GALNTL6: variants seen among roughly 807,000 people sequenced by gnomAD.
The protein encoded by GALNTL6 is polypeptide N-acetylgalactosaminyltransferase like 6.
A neutral mutation model predicts 73.7 loss-of-function variants in GALNTL6; 46 were observed. That is an observed-to-expected ratio of 0.62 (90% confidence interval 0.49 to 0.80). GALNTL6 has a LOEUF of 0.80. GALNTL6 is among the 30% of genes least tolerant of loss of function. The pLI is 0.00. For missense variants in GALNTL6, 604 were observed against 755.0 expected (o/e 0.80, Z 2.34); for synonymous variants, 259 against 263.7 (o/e 0.98, Z 0.17).
At chr4:172,087,735 A>G (rs555940200) in intron 2 of GALNTL6, among the ~76,000 whole-genome samples, 133 of 151,404 alleles carry the variant, frequency 8.8e-4, no homozygotes, top group African/African-American at 2.9e-3. Context: ...CCCTCAAAAC[A>G]TAAACAGTGA....
rs1375707658 is a variant in GALNTL6, at chr4:172,069,188, C to T, written c.139-160468C>T. 1.8e-5 allele frequency among the ~76,000 whole-genome samples: 2 copies of T among 108,310 alleles called. 1 individual carries two copies. Among genetic ancestry groups the T allele is most frequent in the Non-Finnish European group, 4.1e-5 (2 of 49,086 alleles). 71.1% of individuals were successfully genotyped at this position (108,310 alleles called of 152,430 possible). ...TAGATAAACTTTTATCCTGAATATGCAATTTTTTCCTATGTATTGATAACC... is the reference window on the plus strand; with the variant it reads ...TAGATAAACTTTTATCCTGAATATGTAATTTTTTCCTATGTATTGATAACC... On this transcript the variant is annotated intron_variant, in intron 2 of 12. Transcript: ENST00000506823.
chr4:172,385,290 C>T (rs550494040), intron 5 of GALNTL6, among the ~76,000 whole-genome samples: 5 of 151,944 alleles, frequency 3.3e-5, no homozygotes, highest in East Asian at 1.9e-4. Flanking sequence ...TATGGTTATA[C>T]GTGGTTTCTA....
intron 2 of GALNTL6, among the ~76,000 whole-genome samples, chr4:172,113,395 A>T (rs1732907421): frequency 6.6e-6 from 1 of 152,080 alleles, no homozygotes; most frequent in Non-Finnish European, 1.5e-5. Context: ...GTAAAAACAT[A>T]TGTACTATGA....
rs2110911065 is a variant in GALNTL6, at chr4:172,785,368, T to C, written c.554-23993T>C. Among the ~76,000 whole-genome samples, 5 of 152,258 alleles carry C rather than the reference T, an allele frequency of 3.3e-5. No individual in the cohort carries two copies. In the South Asian group the frequency reaches 1.0e-3, roughly 32 times the overall value. On this transcript the variant is annotated intron_variant, in intron 5 of 12. Transcript: ENST00000506823. ...ATTATCTTATTTAAACTAGATTTAT[T>C]CAGCCTAAATAAGAGAAGGTCAAAA...
At chr4:171,936,155 G>C (rs1465565417) in intron 2 of GALNTL6, among the ~76,000 whole-genome samples, 1 of 152,086 alleles carries the variant, frequency 6.6e-6, no homozygotes, top group African/African-American at 2.4e-5. Context: ...TACTAATGTG[G>C]CTCATGGTGT....
At chr4:172,963,521 A>G (rs576108431) in intron 10 of GALNTL6, among the ~76,000 whole-genome samples, 1 of 152,348 alleles carries the variant, frequency 6.6e-6, no homozygotes, top group African/African-American at 2.4e-5. Flanking sequence ...TTTCGCAGAA[A>G]GACATAGTGT....
intron 5 of GALNTL6, among the ~76,000 whole-genome samples, chr4:172,551,537 T>C (rs2110900254): frequency 6.6e-6 from 1 of 152,278 alleles, no homozygotes; most frequent in African/African-American, 2.4e-5. Context: ...ATGCTAACAA[T>C]GTAAATACGA....
chr4:172,542,554 C>G (rs896514259), intron 5 of GALNTL6, among the ~76,000 whole-genome samples: 1 of 152,146 alleles, frequency 6.6e-6, no homozygotes, highest in African/African-American at 2.4e-5. Flanking sequence ...ATCTGATGAT[C>G]GCTTGACATT....
At chr4:172,291,502 C>G (rs993667669) in intron 3 of GALNTL6, among the ~76,000 whole-genome samples, 1 of 152,050 alleles carries the variant, frequency 6.6e-6, no homozygotes, top group Non-Finnish European at 1.5e-5. Flanking sequence ...AAAATCATAT[C>G]TGAATGCACC....
At chr4:172,295,531 G>GTTTTTT (rs58721038) in intron 3 of GALNTL6, among the ~76,000 whole-genome samples, 4 of 73,136 alleles carry the variant, frequency 5.5e-5, no homozygotes, top group South Asian at 5.4e-4. Flanking sequence ...CTTTTTTTAG[G>GTTTTTT]TTTTTTTTTT....
At chr4:172,927,567 T>C (rs1005754302) in intron 8 of GALNTL6, among the ~76,000 whole-genome samples, 1 of 151,954 alleles carries the variant, frequency 6.6e-6, no homozygotes, top group African/African-American at 2.4e-5. Flanking sequence ...TTGTTTCTGC[T>C]CTGTGATATA....
intron 2 of GALNTL6, among the ~76,000 whole-genome samples, chr4:172,029,658 A>C (rs1407101723): frequency 2.6e-5 from 4 of 152,128 alleles, no homozygotes; most frequent in African/African-American, 9.6e-5. Context: ...CTGTAATAGA[A>C]ATATCATGCT....
At chr4:172,377,787 C>T (rs1025075254) in intron 5 of GALNTL6, among the ~76,000 whole-genome samples, 3 of 152,168 alleles carry the variant, frequency 2.0e-5, no homozygotes, top group Non-Finnish European at 4.4e-5. Flanking sequence ...AGGTGCTAAG[C>T]CCCTCACTGC....
chr4:172,433,736 T>C lies in GALNTL6; in HGVS notation c.553+85047T>C, dbSNP rs1731544063. Reference sequence around the variant, plus strand: ...CTCCATAAGCTGATACATCCTTCCATTGGGTTATTTACTCCCAAACCCAGC... The same window carrying C: ...CTCCATAAGCTGATACATCCTTCCACTGGGTTATTTACTCCCAAACCCAGC... On this transcript the variant is annotated intron_variant, in intron 5 of 12. Coordinates refer to ENST00000506823, the MANE Select transcript of GALNTL6 (RefSeq NM_001034845.3). 2.0e-5 allele frequency among the ~76,000 whole-genome samples: 3 copies of C among 152,204 alleles called. No homozygotes were observed. In the South Asian group the frequency reaches 6.2e-4, roughly 32 times the overall value.
chr4:172,910,324 AT>A lies in GALNTL6; in HGVS notation c.1042-20836del, dbSNP rs201469302. 7.2e-3 allele frequency among the ~76,000 whole-genome samples: 1,101 copies of A among 152,342 alleles called. 15 individuals carry two copies. The highest frequency in any genetic ancestry group is 0.025 in the African/African-American group (1,049 of 41,578). The stretch of plus-strand genomic sequence containing the variant: ...CCAAAAAGATTATACATAAACAAAC[AT>A]GATCATTTAAATCAGCCAGTATTAC... On this transcript the variant is annotated intron_variant, in intron 8 of 12. Coordinates refer to ENST00000506823, the MANE Select transcript of GALNTL6 (RefSeq NM_001034845.3).
At chr4:172,491,032 C>G (rs901383037) in intron 5 of GALNTL6, among the ~76,000 whole-genome samples, 78 of 13,098 alleles carry the variant, frequency 6.0e-3, no homozygotes, top group African/African-American at 0.015. Context: ...TTGTCAAAAA[C>G]AAAGACAAAA....
chr4:172,741,579 T>C (rs1360263512), intron 5 of GALNTL6, among the ~76,000 whole-genome samples: 3 of 152,106 alleles, frequency 2.0e-5, no homozygotes, highest in Non-Finnish European at 4.4e-5. Context: ...ATCCGAGAGA[T>C]AATAGCTTAA....
chr4:172,179,070 G>A (rs1471213804), intron 2 of GALNTL6, among the ~76,000 whole-genome samples: 1 of 145,056 alleles, frequency 6.9e-6, no homozygotes, highest in Non-Finnish European at 1.5e-5. Context: ...GGACATTTGG[G>A]TTGGTTCCAA....
At chr4:172,844,499 C>T (rs566156042) in intron 7 of GALNTL6, among the ~76,000 whole-genome samples, 4 of 152,342 alleles carry the variant, frequency 2.6e-5, no homozygotes, top group East Asian at 1.9e-4. Flanking sequence ...TCACTCCTCA[C>T]GCCGGATTTT....
Sources: allele counts gnomAD v4.1 joint callset (sites outside exome capture counted in the v4.1 genomes callset), GRCh38; gene constraint gnomAD v4.1.1; transcripts MANE v1.5; gene names NCBI Gene and HGNC (gene_info 2026-07-23, HGNC 2026-07-21).